Variants in EXOC2 observed in about 807,000 individuals in gnomAD.
The protein encoded by EXOC2 is exocyst complex component 2, also known as SEC5-like 1.
A neutral mutation model predicts 131.8 loss-of-function variants in EXOC2; 70 were observed. The ratio of observed to expected loss-of-function variants is 0.53; its 90% CI spans 0.44 to 0.65. The LOEUF (loss-of-function observed/expected upper bound fraction) is 0.65. EXOC2 is among the 30% of genes least tolerant of loss of function. The pLI is 0.00. For missense variants in EXOC2, 923 were observed against 1,108.6 expected (o/e 0.83, Z 2.38); for synonymous variants, 411 against 398.4 (o/e 1.03, Z -0.38).
intron 1 of EXOC2, among the ~76,000 whole-genome samples, chr6:682,682 T>C (rs1384655224): frequency 2.0e-5 from 3 of 152,200 alleles, no homozygotes; most frequent in Non-Finnish European, 1.5e-5. Context: ...AGGCCACATA[T>C]ATGATTCCAC....
Position 555,292 on chromosome 6 carries a change from A to C in EXOC2, c.1993-4T>G. On this transcript the variant is annotated splice_region_variant and splice_polypyrimidine_tract_variant and intron_variant, in intron 19 of 27. Transcript: ENST00000230449. ...GTTCCAGACAGTATATAAAAACCTA[A>C]GTGAAAACATAAGTTTCAGAACTCT... is the stretch of plus-strand genomic sequence containing the variant. 1 of 1,523,392 alleles carries C rather than the reference A, an allele frequency of 6.6e-7. No homozygotes were observed. The highest frequency in any genetic ancestry group is 8.9e-7 in the Non-Finnish European group (1 of 1,120,690). The allele number at this position is 1,523,392 out of a possible 1,614,324, so 94.4% of individuals were successfully genotyped here. A position where few individuals can be genotyped will look rare whatever the true frequency, so the allele number is the denominator to read the frequency against.
intron 27 of EXOC2, among the ~76,000 whole-genome samples, chr6:488,506 G>C (rs539814089): frequency 1.3e-5 from 2 of 151,944 alleles, no homozygotes; most frequent in South Asian, 4.2e-4. Flanking sequence ...ACTTTATTAT[G>C]CCATATGTGC....
intron 7 of EXOC2, among the ~76,000 whole-genome samples, chr6:599,520 A>T (rs547740531): frequency 1.3e-5 from 2 of 152,360 alleles, no homozygotes; most frequent in African/African-American, 4.8e-5. Context: ...TAAACTGTAT[A>T]GCAATTATGG....
intron 4 of EXOC2, among the ~76,000 whole-genome samples, chr6:622,294 A>T (rs571205478): frequency 2.0e-5 from 3 of 152,348 alleles, no homozygotes; most frequent in Non-Finnish European, 2.9e-5. Context: ...TCCTACTAAC[A>T]ACAGTCTTCA....
At chr6:690,249 G>C (rs1029555009) in intron 1 of EXOC2, among the ~76,000 whole-genome samples, 7 of 152,170 alleles carry the variant, frequency 4.6e-5, no homozygotes, top group Non-Finnish European at 4.4e-5. Context: ...CCAGCTACTT[G>C]GGAGGCTGAG....
At chr6:579,424 G>A (rs923638960) in intron 11 of EXOC2, among the ~76,000 whole-genome samples, 9 of 152,116 alleles carry the variant, frequency 5.9e-5, no homozygotes, top group African/African-American at 2.2e-4. Context: ...TTGGTACCCT[G>A]GCATTACCAG....
chr6:509,067 C>T (rs879762216), intron 23 of EXOC2, among the ~76,000 whole-genome samples: 1 of 152,342 alleles, frequency 6.6e-6, no homozygotes, highest in South Asian at 2.1e-4. Context: ...TCTCCATCTG[C>T]ATATTTACTT....
chr6:605,969 CATTCAGGA>C (rs2127654643), intron 7 of EXOC2, among the ~76,000 whole-genome samples: 1 of 152,296 alleles, frequency 6.6e-6, no homozygotes, highest in South Asian at 2.1e-4. Context: ...ATCCAGTAGT[CATTCAGGA>C]GCAGGTTGTT....
intron 23 of EXOC2, among the ~76,000 whole-genome samples, chr6:499,928 C>G (rs556477963): frequency 6.6e-6 from 1 of 152,178 alleles, no homozygotes; most frequent in South Asian, 2.1e-4. Flanking sequence ...ATTTCTGTCA[C>G]TGTTTATGTT....
At chr6:650,657 G>A (rs1005977073) in intron 1 of EXOC2, among the ~76,000 whole-genome samples, 1 of 152,030 alleles carries the variant, frequency 6.6e-6, no homozygotes, top group Non-Finnish European at 1.5e-5. Flanking sequence ...TACAAAACTA[G>A]GCTATAAAAC....
intron 1 of EXOC2, among the ~76,000 whole-genome samples, chr6:640,503 C>A (rs1212082864): frequency 6.6e-6 from 1 of 152,190 alleles, no homozygotes; most frequent in Non-Finnish European, 1.5e-5. Flanking sequence ...TGCCAAATTT[C>A]ATATGTTAAA....
chr6:640,967 A>G (rs1762327110), intron 1 of EXOC2, among the ~76,000 whole-genome samples: 1 of 152,210 alleles, frequency 6.6e-6, no homozygotes, highest in African/African-American at 2.4e-5. Flanking sequence ...TAAAAGAACT[A>G]GATGCCATGA....
At chr6:624,748 G>A (rs1761465621) in intron 4 of EXOC2, among the ~76,000 whole-genome samples, 1 of 152,178 alleles carries the variant, frequency 6.6e-6, no homozygotes, top group Non-Finnish European at 1.5e-5. Context: ...GAAGAGAATT[G>A]CTAATGCCCT....
intron 23 of EXOC2, among the ~76,000 whole-genome samples, chr6:525,922 T>C (rs899955960): frequency 6.6e-5 from 10 of 152,214 alleles, no homozygotes; most frequent in African/African-American, 2.4e-4. Flanking sequence ...TCATCCATTA[T>C]AAAGAAAGTA....
At chr6:512,208 C>T (rs1031249841) in intron 23 of EXOC2, among the ~76,000 whole-genome samples, 1 of 152,228 alleles carries the variant, frequency 6.6e-6, no homozygotes, top group Non-Finnish European at 1.5e-5. Flanking sequence ...CAGTACTTTG[C>T]AAACTCAATT....
chr6:656,167 G>A, intron 1 of EXOC2: 3 of 1,614,150 alleles, frequency 1.9e-6, no homozygotes, highest in Non-Finnish European at 2.5e-6. Flanking sequence ...ACAAGCTGAA[G>A]AAGAGTATTG....
At chr6:566,662 T>C (rs901774046) in intron 13 of EXOC2, among the ~76,000 whole-genome samples, 11 of 151,834 alleles carry the variant, frequency 7.2e-5, no homozygotes, top group Admixed American at 3.3e-4. Context: ...TTTCTACATG[T>C]TGCAGTTTGT....
intron 23 of EXOC2, among the ~76,000 whole-genome samples, chr6:510,163 C>G (rs1345192924): frequency 6.6e-6 from 1 of 152,054 alleles, no homozygotes. Context: ...AGAGAAAGTC[C>G]TAACCATTCT....
At chr6:612,742 G>A (rs927112024) in intron 6 of EXOC2, among the ~76,000 whole-genome samples, 3 of 152,064 alleles carry the variant, frequency 2.0e-5, no homozygotes, top group African/African-American at 7.2e-5. Context: ...AGCAATAAAA[G>A]GAACAGGGGA....
Sources: allele counts gnomAD v4.1 joint callset (sites outside exome capture counted in the v4.1 genomes callset), GRCh38; gene constraint gnomAD v4.1.1; transcripts MANE v1.5; gene names NCBI Gene and HGNC (gene_info 2026-07-23, HGNC 2026-07-21).